Variants in AGTPBP1 observed in about 807,000 individuals in gnomAD.
AGTPBP1 encodes cytosolic carboxypeptidase 1.
A neutral mutation model predicts 143.9 loss-of-function variants in AGTPBP1; 70 were observed. The observed-to-expected ratio is 0.49, with a 90% CI of 0.40 to 0.59. The LOEUF is 0.59. Ranked by LOEUF, AGTPBP1 falls within the 20% of genes least tolerant of loss-of-function variation. AGTPBP1 has a pLI of 0.00. For synonymous variants in AGTPBP1, 463 were observed against 500.2 expected (o/e 0.93, Z 0.99); for missense variants, 1,229 against 1,464.5 (o/e 0.84, Z 2.62).
intron 2 of AGTPBP1, among the ~76,000 whole-genome samples, chr9:85,698,778 C>T (rs1291455098): frequency 6.8e-6 from 1 of 147,826 alleles, no homozygotes; most frequent in East Asian, 2.0e-4. Flanking sequence ...CTGCAAGCTC[C>T]GCCTCCTGGG....
intron 13 of AGTPBP1, among the ~76,000 whole-genome samples, chr9:85,635,645 T>C (rs1463644431): frequency 6.6e-6 from 1 of 152,094 alleles, no homozygotes; most frequent in African/African-American, 2.4e-5. Context: ...AGACTGAAGC[T>C]ACCTTTCACT....
chr9:85,637,593 T>C (rs910179654), intron 13 of AGTPBP1, among the ~76,000 whole-genome samples: 15 of 152,098 alleles, frequency 9.9e-5, no homozygotes, highest in African/African-American at 3.6e-4. Context: ...TATAAGAAGT[T>C]CTAAAACAGT....
intron 17 of AGTPBP1, among the ~76,000 whole-genome samples, chr9:85,615,800 T>C (rs1286407111): frequency 6.6e-6 from 1 of 151,994 alleles, no homozygotes; most frequent in Admixed American, 6.5e-5. Context: ...GTACCTGGCA[T>C]ACAGATACTT....
chr9:85,589,503 T>C (rs760892405), intron 20 of AGTPBP1, 25 bp downstream of exon 20: 101 of 1,588,482 alleles, frequency 6.4e-5, no homozygotes, highest in Non-Finnish European at 7.8e-5. Context: ...ATGACTGCTA[T>C]TGTGAGTTGG....
chr9:85,764,683 G>A, the AGTPBP1 span: 3 of 875,190 alleles, frequency 3.4e-6, no homozygotes, highest in Non-Finnish European at 5.8e-6. Flanking sequence ...TGTTTTCGGG[G>A]TGTCTGGTGG....
chr9:85,780,640 AT>A, the AGTPBP1 span, among the ~76,000 whole-genome samples: 8,473 of 152,244 alleles, frequency 0.056, 241 homozygotes, highest in Non-Finnish European at 0.061. Context: ...TGCAAAAAAA[AT>A]CTTATGAAAG....
At chr9:85,587,636 G>A (rs116312327) in intron 21 of AGTPBP1, among the ~76,000 whole-genome samples, 1,770 of 152,044 alleles carry the variant, frequency 0.012, 40 homozygotes, top group African/African-American at 0.04. Context: ...CCTAAAATAC[G>A]AGAAATATTC....
intron 14 of AGTPBP1, among the ~76,000 whole-genome samples, chr9:85,628,238 C>A (rs1448984447): frequency 3.9e-5 from 6 of 151,978 alleles, no homozygotes; most frequent in Non-Finnish European, 8.8e-5. Flanking sequence ...AATATGAAAC[C>A]TTCATCCTCA....
the AGTPBP1 span, among the ~76,000 whole-genome samples, chr9:85,759,682 A>C: frequency 6.6e-6 from 1 of 152,252 alleles, no homozygotes; most frequent in African/African-American, 2.4e-5. Flanking sequence ...AAGATCTAAA[A>C]TTAACAGCCT....
the AGTPBP1 span, among the ~76,000 whole-genome samples, chr9:85,790,892 A>T: frequency 6.6e-6 from 1 of 152,338 alleles, no homozygotes; most frequent in African/African-American, 2.4e-5. Flanking sequence ...AGAAAATTAA[A>T]TATTTTTTTA....
intron 2 of AGTPBP1, among the ~76,000 whole-genome samples, chr9:85,697,811 T>C (rs1006391096): frequency 9.8e-5 from 15 of 152,302 alleles, no homozygotes; most frequent in South Asian, 8.3e-4. Flanking sequence ...CAAAAGTTTT[T>C]TGGAGTATCA....
chr9:85,752,511 T>C, the AGTPBP1 span, among the ~76,000 whole-genome samples: 28 of 152,320 alleles, frequency 1.8e-4, no homozygotes, highest in East Asian at 5.0e-3. Context: ...GTTACGCTAA[T>C]GTGTAACACT....
intron 6 of AGTPBP1, among the ~76,000 whole-genome samples, chr9:85,673,171 T>A (rs1315441289): frequency 6.6e-6 from 1 of 152,208 alleles, no homozygotes; most frequent in East Asian, 1.9e-4. Flanking sequence ...GTATTATTTT[T>A]AAAATAAAAC....
chr9:85,610,499 A>T (rs185821955), intron 17 of AGTPBP1, among the ~76,000 whole-genome samples: 1 of 152,306 alleles, frequency 6.6e-6, no homozygotes, highest in African/African-American at 2.4e-5. Context: ...AATCACTTTT[A>T]AAAAGCTCAA....
chr9:85,670,396 T>C (rs1338699301), intron 7 of AGTPBP1, among the ~76,000 whole-genome samples: 1 of 152,146 alleles, frequency 6.6e-6, no homozygotes, highest in African/African-American at 2.4e-5. Context: ...GAAGCTGGTT[T>C]TGAAAGACAC....
intron 13 of AGTPBP1, among the ~76,000 whole-genome samples, chr9:85,641,049 G>A (rs974849108): frequency 1.3e-5 from 2 of 152,086 alleles, no homozygotes; most frequent in African/African-American, 2.4e-5. Flanking sequence ...TTTGTCCAAC[G>A]TATCCACAGT....
the AGTPBP1 span, among the ~76,000 whole-genome samples, chr9:85,753,683 TG>T: frequency 6.6e-6 from 1 of 151,270 alleles, no homozygotes; most frequent in African/African-American, 2.4e-5. Flanking sequence ...ACCCTGGAGG[TG>T]GAGGCTGCAG....
the AGTPBP1 span, among the ~76,000 whole-genome samples, chr9:85,776,648 T>C: frequency 6.6e-6 from 1 of 152,200 alleles, no homozygotes; most frequent in Admixed American, 6.5e-5. Flanking sequence ...CAGCCAATAC[T>C]GTAACTCCCT....
At chr9:85,719,885 T>C (rs1837985757) in intron 1 of AGTPBP1, among the ~76,000 whole-genome samples, 1 of 152,250 alleles carries the variant, frequency 6.6e-6, no homozygotes, top group Admixed American at 6.5e-5. Flanking sequence ...TGTTGAATTT[T>C]GTCAAAGGCC....
Sources: allele counts gnomAD v4.1 joint callset (sites outside exome capture counted in the v4.1 genomes callset), GRCh38; gene constraint gnomAD v4.1.1; transcripts MANE v1.5; gene names NCBI Gene and HGNC (gene_info 2026-07-23, HGNC 2026-07-21).